The following LRP1B variants were observed in gnomAD, a reference collection of about 807,000 sequenced individuals.
The protein encoded by LRP1B is low-density lipoprotein receptor-related protein 1B.
In LRP1B, 217 loss-of-function variants were observed where a neutral mutation model predicts 556.6. That is an observed-to-expected ratio of 0.39 (90% confidence interval 0.35 to 0.44). LRP1B has a LOEUF of 0.44. LRP1B is among the 20% of genes least tolerant of loss of function. LRP1B has a pLI of 1.00. For synonymous variants in LRP1B, 2,047 were observed against 1,865.8 expected (o/e 1.10, Z -2.50); for missense variants, 5,053 against 5,620.8 (o/e 0.90, Z 3.23).
chr2:140,722,133 G>C (rs935456366), intron 35 of LRP1B, among the ~76,000 whole-genome samples: 5 of 151,980 alleles, frequency 3.3e-5, no homozygotes, highest in Non-Finnish European at 7.4e-5. Context: ...TGTACTCTTT[G>C]GCCTGTTCTT....
chr2:140,272,218 A>C (rs1573716360), intron 85 of LRP1B, among the ~76,000 whole-genome samples: 1 of 149,674 alleles, frequency 6.7e-6, no homozygotes, highest in Non-Finnish European at 1.5e-5. Flanking sequence ...AATTTTCATA[A>C]TTTTCTTTTT....
chr2:141,072,496 C>G (rs745489942), intron 7 of LRP1B, among the ~76,000 whole-genome samples: 3 of 151,978 alleles, frequency 2.0e-5, no homozygotes, highest in African/African-American at 7.2e-5. Context: ...CACAGATTCC[C>G]ATGATGATAA....
At chr2:141,517,930 G>C (rs1684383365) in intron 2 of LRP1B, among the ~76,000 whole-genome samples, 1 of 152,048 alleles carries the variant, frequency 6.6e-6, no homozygotes, top group African/African-American at 2.4e-5. Flanking sequence ...CTTTTTGATG[G>C]CTCTCATGTA....
At chr2:141,714,608 C>T (rs574644572) in intron 2 of LRP1B, among the ~76,000 whole-genome samples, 1 of 151,956 alleles carries the variant, frequency 6.6e-6, no homozygotes, top group South Asian at 2.1e-4. Flanking sequence ...AAAGAAATTT[C>T]CAAGTTGTTG....
intron 41 of LRP1B, among the ~76,000 whole-genome samples, chr2:140,695,892 A>G (rs938767106): frequency 6.6e-6 from 1 of 152,178 alleles, no homozygotes; most frequent in African/African-American, 2.4e-5. Flanking sequence ...GTCATCTTTT[A>G]AACCTGAGGC....
intron 1 of LRP1B, among the ~76,000 whole-genome samples, chr2:142,107,897 C>T (rs1024401277): frequency 6.7e-6 from 1 of 149,792 alleles, no homozygotes; most frequent in Non-Finnish European, 1.5e-5. Flanking sequence ...CCGCCCACCT[C>T]GGCCTCCCAA....
chr2:140,474,907 T>C (rs1486190951), intron 60 of LRP1B, among the ~76,000 whole-genome samples: 1 of 151,786 alleles, frequency 6.6e-6, no homozygotes, highest in Non-Finnish European at 1.5e-5. Flanking sequence ...GAAAATCTAT[T>C]TAGAAAAATA....
chr2:141,186,078 C>CAAAAA (rs386391364), intron 7 of LRP1B, among the ~76,000 whole-genome samples: 4,361 of 76,424 alleles, frequency 0.057, 335 homozygotes, highest in South Asian at 0.096. Context: ...GACTCTGTCT[C>CAAAAA]AAAAAAAAAA....
intron 7 of LRP1B, among the ~76,000 whole-genome samples, chr2:141,156,214 A>T (rs1044550447): frequency 6.6e-6 from 1 of 152,190 alleles, no homozygotes; most frequent in Non-Finnish European, 1.5e-5. Context: ...CCCAGGGTCT[A>T]TGCCAACAGA....
At chr2:140,276,588 G>A (rs902151818) in intron 84 of LRP1B, among the ~76,000 whole-genome samples, 1 of 151,854 alleles carries the variant, frequency 6.6e-6, no homozygotes, top group Non-Finnish European at 1.5e-5. Flanking sequence ...CCCATTCAAT[G>A]CAGAAACCTC....
At chr2:140,412,122 G>T (rs920778236) in intron 66 of LRP1B, among the ~76,000 whole-genome samples, 1 of 151,988 alleles carries the variant, frequency 6.6e-6, no homozygotes, top group Non-Finnish European at 1.5e-5. Flanking sequence ...CAAAAAAGAA[G>T]CAAATATATC....
intron 1 of LRP1B, among the ~76,000 whole-genome samples, chr2:142,114,804 A>G (rs985557885): frequency 7.9e-5 from 12 of 152,216 alleles, no homozygotes; most frequent in East Asian, 3.9e-4. Context: ...TACAACATAC[A>G]TTTAGATAGA....
chr2:140,997,609 G>A (rs1394803429), intron 15 of LRP1B, among the ~76,000 whole-genome samples: 1 of 151,602 alleles, frequency 6.6e-6, no homozygotes, highest in Non-Finnish European at 1.5e-5. Context: ...TTATAACTTA[G>A]TCATAATAGC....
intron 1 of LRP1B, among the ~76,000 whole-genome samples, chr2:141,852,174 A>G (rs575099560): frequency 6.6e-6 from 1 of 151,728 alleles, no homozygotes; most frequent in Non-Finnish European, 1.5e-5. Flanking sequence ...TTTGCACTGA[A>G]TTCATCTTTA....
At position 140,815,526 on chromosome 2, in the gene LRP1B, AG is replaced by A. The variant is rs144636779; in HGVS notation, c.5210-1721del. ...TGCAGATTCTATAGGAACAAGGTAA[AG>A]CTAGCTTATGCTCAGAGTCAGGACA... On this transcript the variant is annotated intron_variant, in intron 31 of 90. Transcript: ENST00000389484. Among the ~76,000 whole-genome samples, 1,207 of 152,152 alleles carry A rather than the reference AG, an allele frequency of 7.9e-3. 19 individuals are homozygous for A. The highest frequency in any genetic ancestry group is 0.028 in the African/African-American group (1,167 of 41,496).
intron 43 of LRP1B, among the ~76,000 whole-genome samples, chr2:140,569,534 A>G (rs1416136464): frequency 6.6e-6 from 1 of 151,904 alleles, no homozygotes; most frequent in African/African-American, 2.4e-5. Flanking sequence ...ACCCAACATT[A>G]GAGCACACAA....
chr2:140,640,169 ATT>A (rs1005020043), intron 41 of LRP1B, among the ~76,000 whole-genome samples: 1 of 148,720 alleles, frequency 6.7e-6, no homozygotes, highest in Admixed American at 6.7e-5. Flanking sequence ...CGCCTGGCTA[ATT>A]TTTTTTGTAT....
intron 3 of LRP1B, among the ~76,000 whole-genome samples, chr2:141,302,285 A>T (rs1686425289): frequency 6.6e-6 from 1 of 152,134 alleles, no homozygotes; most frequent in South Asian, 2.1e-4. Flanking sequence ...TTATTTATAA[A>T]GTTTAATGCA....
intron 1 of LRP1B, among the ~76,000 whole-genome samples, chr2:141,852,836 C>T (rs566578377): frequency 6.6e-6 from 1 of 150,562 alleles, no homozygotes; most frequent in Non-Finnish European, 1.5e-5. Context: ...AAAAGAAAAC[C>T]AGTACATATT....
Sources: allele counts gnomAD v4.1 joint callset (sites outside exome capture counted in the v4.1 genomes callset), GRCh38; gene constraint gnomAD v4.1.1; transcripts MANE v1.5; gene names NCBI Gene and HGNC (gene_info 2026-07-23, HGNC 2026-07-21).